Variants in PRLR observed in about 807,000 individuals in gnomAD.
PRLR encodes hPRL receptor.
A neutral mutation model predicts 40.2 loss-of-function variants in PRLR; 13 were observed. The ratio of observed to expected loss-of-function variants is 0.32; its 90% CI spans 0.21 to 0.51. The LOEUF is 0.51. Among genes scored for constraint, PRLR ranks in the 20% least tolerant of loss-of-function variants. The pLI is 0.97. For missense variants in PRLR, 656 were observed against 747.3 expected, an observed-to-expected ratio of 0.88 and a Z score of 1.42; for synonymous variants, 269 against 278.7, an observed-to-expected ratio of 0.97 and a Z score of 0.35.
At chr5:35,091,588 G>C (rs911823895) in intron 2 of PRLR, among the ~76,000 whole-genome samples, 1 of 151,886 alleles carries the variant, frequency 6.6e-6, no homozygotes, top group Non-Finnish European at 1.5e-5. Context: ...CTGTGATGGG[G>C]GTGCAATTAT....
rs1774460753 is a variant in PRLR at position 35,155,400 on chromosome 5, A to C, written c.-105-37278T>G. 1.3e-5 allele frequency among the ~76,000 whole-genome samples: 2 copies of C among 152,174 alleles called. 1 individual carries two copies. The highest frequency in any genetic ancestry group is 4.1e-4 in the South Asian group (2 of 4,828). ...CACATGCAAAAAGAACACCTTATTA[A>C]TTTCAGAATATAACCAATTGAGCTA... is the stretch of plus-strand genomic sequence containing the variant. On this transcript the variant is annotated intron_variant, in intron 1 of 9. Coordinates refer to ENST00000618457, the MANE Select transcript of PRLR (RefSeq NM_000949.7).
intron 1 of PRLR, among the ~76,000 whole-genome samples, chr5:35,142,412 T>G (rs1774051678): frequency 6.6e-6 from 1 of 152,084 alleles, no homozygotes; most frequent in African/African-American, 2.4e-5. Flanking sequence ...GAAGGCAATA[T>G]TTGCTCTAAT....
intron 1 of PRLR, among the ~76,000 whole-genome samples, chr5:35,179,196 C>T (rs1209446183): frequency 1.3e-5 from 2 of 152,184 alleles, no homozygotes; most frequent in Non-Finnish European, 2.9e-5. Flanking sequence ...CCAATCCACA[C>T]AGAAATGTGC....
intron 1 of PRLR, among the ~76,000 whole-genome samples, chr5:35,176,774 A>G (rs1480712617): frequency 6.6e-6 from 1 of 152,208 alleles, no homozygotes; most frequent in Non-Finnish European, 1.5e-5. Flanking sequence ...GGGAAGGGAA[A>G]GACCTGACCG....
At chr5:35,163,279 C>A (rs192964038) in intron 1 of PRLR, among the ~76,000 whole-genome samples, 37 of 152,270 alleles carry the variant, frequency 2.4e-4, no homozygotes, top group Non-Finnish European at 1.6e-4. Flanking sequence ...GGCCGTGCGA[C>A]AAGGACCTGG....
chr5:35,225,090 G>A (rs1776517703), intron 1 of PRLR, among the ~76,000 whole-genome samples: 1 of 152,154 alleles, frequency 6.6e-6, no homozygotes, highest in Admixed American at 6.5e-5. Context: ...AGCTCTAGTT[G>A]TCTCCTCGTC....
At chr5:35,148,252 G>T (rs1774242738) in intron 1 of PRLR, among the ~76,000 whole-genome samples, 1 of 152,080 alleles carries the variant, frequency 6.6e-6, no homozygotes, top group African/African-American at 2.4e-5. Context: ...TTAGATGTGG[G>T]TTAATTATTC....
At chr5:35,215,683 C>A (rs1266957458) in intron 1 of PRLR, among the ~76,000 whole-genome samples, 1 of 151,950 alleles carries the variant, frequency 6.6e-6, no homozygotes, top group Non-Finnish European at 1.5e-5. Context: ...GTACAAAAGA[C>A]CCTCACCCCT....
chr5:35,065,603 T>C lies in PRLR; in HGVS notation c.1355A>G (p.Asn452Ser). ...TTTTAAAGCATCTTTACCTGCTTCATTCAACAGAGTGGCCGGTGCACCTGC... is the reference window on the plus strand; with the variant it reads ...TTTTAAAGCATCTTTACCTGCTTCACTCAACAGAGTGGCCGGTGCACCTGC... Reference protein sequence around the residue: ...GPAGAPATLLNEAGKDALKSS... With the variant: ...GPAGAPATLLSEAGKDALKSS... The change falls in exon 10 of 10, where the codon AAT (asparagine) becomes AGT (serine). Residue 452 changes from asparagine to serine, a missense_variant. By Grantham distance (46) the Asn-to-Ser change is conservative. Coordinates refer to ENST00000618457, the MANE Select transcript of PRLR (RefSeq NM_000949.7). 1 of 1,614,158 alleles carries C rather than the reference T, an allele frequency of 6.2e-7. No homozygotes were observed.
chr5:35,192,864 A>G (rs568987438), intron 1 of PRLR, among the ~76,000 whole-genome samples: 22 of 152,298 alleles, frequency 1.4e-4, no homozygotes, highest in African/African-American at 5.3e-4. Flanking sequence ...CCCTGAAGAC[A>G]TCCAGGTACA....
chr5:35,066,172 A>C, intron 9 of PRLR, 70 bp from the exon 10 acceptor site: 1 of 1,448,780 alleles, frequency 6.9e-7, no homozygotes, highest in Non-Finnish European at 9.4e-7. Context: ...ATCCCTGCTA[A>C]GTGGTGCTGT....
At chr5:35,087,320 T>C (rs1244265781) in intron 3 of PRLR, among the ~76,000 whole-genome samples, 1 of 152,104 alleles carries the variant, frequency 6.6e-6, no homozygotes, top group Non-Finnish European at 1.5e-5. Flanking sequence ...AGCTTTGATC[T>C]TGTGACCCAG....
rs1182098838 is a variant in PRLR at position 35,134,100 on chromosome 5, TG to T, written c.-105-15979del. On this transcript the variant is annotated intron_variant, in intron 1 of 9. Transcript: ENST00000618457. The stretch of plus-strand genomic sequence containing the variant: ...GGTTTAATGTATACTGCTCGGGTGA[TG>T]GGTGCACCAAAATCTCACAAATCAC... Among the ~76,000 whole-genome samples the T allele has an allele frequency of 7.2e-5, 11 of 152,212 alleles. No individual in the cohort carries two copies. In the East Asian group the frequency reaches 1.9e-3, roughly 27 times the overall value.
intron 1 of PRLR, among the ~76,000 whole-genome samples, chr5:35,175,388 T>G (rs1202609998): frequency 6.6e-6 from 1 of 152,234 alleles, no homozygotes; most frequent in East Asian, 1.9e-4. Flanking sequence ...CCCAGCCATA[T>G]GGAACTGTAA....
chr5:35,062,490 A>G lies in PRLR; in HGVS notation c.*2599T>C, dbSNP rs1769101212. 1 of 151,698 alleles carries G rather than the reference A, an allele frequency of 6.6e-6. No individual in the cohort carries two copies. Among genetic ancestry groups the G allele is most frequent in the South Asian group, 2.1e-4 (1 of 4,822 alleles). 9.4% of individuals were successfully genotyped at this position (151,698 alleles called of 1,614,324 possible). On this transcript the variant is annotated 3_prime_UTR_variant, in exon 10 of 10. Transcript: ENST00000618457. ...AGCTTAATTCAGATAAACAGTGCTA[A>G]TTGATCATAGAATTAAAGTCTTGGC...
chr5:35,121,230 T>C (rs1773281054), intron 1 of PRLR, among the ~76,000 whole-genome samples: 1 of 152,054 alleles, frequency 6.6e-6, no homozygotes, highest in South Asian at 2.1e-4. Flanking sequence ...AAAGGCTGAG[T>C]GTTTTAGAAG....
intron 3 of PRLR, among the ~76,000 whole-genome samples, chr5:35,087,138 A>C (rs541173742): frequency 3.4e-4 from 51 of 152,108 alleles, no homozygotes; most frequent in East Asian, 1.6e-3. Context: ...TTACAGGTGC[A>C]CACCACCACA....
chr5:35,070,798 G>A (rs149643482), intron 6 of PRLR, among the ~76,000 whole-genome samples: 4,743 of 144,244 alleles, frequency 0.033, 274 homozygotes, highest in African/African-American at 0.12. Context: ...AGCCGAGATC[G>A]TGCCATTGCA....
intron 1 of PRLR, among the ~76,000 whole-genome samples, chr5:35,222,239 G>A (rs1252085381): frequency 6.6e-6 from 1 of 152,056 alleles, no homozygotes; most frequent in Non-Finnish European, 1.5e-5. Flanking sequence ...GGAGGCAGAG[G>A]TTGCGGTGAG....
Sources: allele counts gnomAD v4.1 joint callset (sites outside exome capture counted in the v4.1 genomes callset), GRCh38; gene constraint gnomAD v4.1.1; transcripts MANE v1.5; gene names NCBI Gene and HGNC (gene_info 2026-07-23, HGNC 2026-07-21).